Variants in EGFR observed in about 807,000 individuals in gnomAD.
EGFR encodes the protein avian erythroblastic leukemia viral (v-erb-b) oncogene homolog.
Under a neutral mutation model 143.0 loss-of-function variants are expected in EGFR, and 58 were observed. The ratio of observed to expected loss-of-function variants is 0.41; its 90% CI spans 0.33 to 0.50. The LOEUF (loss-of-function observed/expected upper bound fraction) is 0.50, where lower values mean the gene tolerates loss of function less well. EGFR is among the 20% of genes least tolerant of loss of function. EGFR has a pLI of 0.39. For synonymous variants in EGFR, 613 were observed against 594.4 expected, an observed-to-expected ratio of 1.03 and a Z score of -0.45; for missense variants, 1,307 against 1,579.0, an observed-to-expected ratio of 0.83 and a Z score of 2.92.
At chr7:55,087,035 C>A (rs887826) in intron 1 of EGFR, among the ~76,000 whole-genome samples, 134,464 of 151,974 alleles carry the variant, frequency 0.88, 59,657 homozygotes, top group East Asian at 0.97. Flanking sequence ...CCATTATCTA[C>A]TGGTCAGAGT....
chr7:55,091,444 G>A (rs1303531937), intron 1 of EGFR, among the ~76,000 whole-genome samples: 1 of 152,218 alleles, frequency 6.6e-6, no homozygotes, highest in African/African-American at 2.4e-5. Flanking sequence ...ATAGCTGGTG[G>A]CGGGGGCCAC....
intron 19 of EGFR, among the ~76,000 whole-genome samples, chr7:55,179,548 G>C (rs1480645345): frequency 1.3e-5 from 2 of 152,210 alleles, no homozygotes; most frequent in African/African-American, 2.4e-5. Flanking sequence ...GAGAAGGTGG[G>C]CAGGAGGACC....
At chr7:55,169,487 A>G (rs919967921) in intron 15 of EGFR, among the ~76,000 whole-genome samples, 15 of 152,294 alleles carry the variant, frequency 9.8e-5, no homozygotes, top group Admixed American at 8.5e-4. Flanking sequence ...AAACCAAATA[A>G]TATGAAAATT....
intron 18 of EGFR, 138 bp downstream of exon 18, chr7:55,174,181 G>C (rs1786487718): frequency 7.8e-7 from 1 of 1,283,986 alleles, no homozygotes; most frequent in Admixed American, 2.5e-5. Context: ...GGAAACTCCA[G>C]TGTTTTTCCC....
At chr7:55,120,815 A>G (rs1408786896) in intron 1 of EGFR, among the ~76,000 whole-genome samples, 1 of 152,186 alleles carries the variant, frequency 6.6e-6, no homozygotes. Flanking sequence ...TGGTTACAGC[A>G]CCTACAGTTA....
intron 1 of EGFR, among the ~76,000 whole-genome samples, chr7:55,096,736 G>A (rs924757312): frequency 6.6e-6 from 1 of 152,110 alleles, no homozygotes; most frequent in Non-Finnish European, 1.5e-5. Context: ...GCTCCCTCAC[G>A]CTGCAGCAGA....
chr7:55,189,752 T>A (rs573974409), intron 20 of EGFR, among the ~76,000 whole-genome samples: 1 of 152,078 alleles, frequency 6.6e-6, no homozygotes, highest in Middle Eastern at 3.4e-3. Flanking sequence ...GAACAAAAGG[T>A]ACAAATGTGA....
Position 55,160,277 on chromosome 7 carries a change from A to C in EGFR, c.1437A>C (p.Lys479Asn), listed in dbSNP as rs768208443. The change falls in exon 12 of 28, where the codon AAA becomes AAC. Residue 479 changes from lysine to asparagine, a missense_variant. Lys to Asn is a moderately conservative substitution (Grantham distance 94). Coordinates refer to ENST00000275493, the MANE Select transcript of EGFR (RefSeq NM_005228.5). ...LCYANTINWK[K>N]LFGTSGQKTK... ...ATGCAAATACAATAAACTGGAAAAA[A>C]CTGTTTGGGACCTCCGGTCAGAAAA... The C allele has an allele frequency of 6.2e-7, 1 of 1,613,938 alleles. No individual in the cohort carries two copies. Among genetic ancestry groups the C allele is most frequent in the Non-Finnish European group, 8.5e-7 (1 of 1,180,014 alleles).
intron 1 of EGFR, among the ~76,000 whole-genome samples, chr7:55,112,488 G>T (rs755980991): frequency 1.3e-5 from 2 of 152,254 alleles, no homozygotes; most frequent in African/African-American, 2.4e-5. Flanking sequence ...ACATCGCCTA[G>T]ACATGGCCTC....
At chr7:55,093,164 C>T (rs13226762) in intron 1 of EGFR, among the ~76,000 whole-genome samples, 6,187 of 152,264 alleles carry the variant, frequency 0.041, 185 homozygotes, top group South Asian at 0.092. Context: ...CTCAGGGGTC[C>T]GCTGGGTTCC....
rs193142230 is a variant in EGFR at position 55,106,979 on chromosome 7, T to C, written c.89-35307T>C. On this transcript the variant is annotated intron_variant, in intron 1 of 27. Coordinates refer to ENST00000275493, the MANE Select transcript of EGFR (RefSeq NM_005228.5). The stretch of plus-strand genomic sequence containing the variant: ...CATCCTAAATATGTAAGTAGAAACA[T>C]ATATATTGCCAACTTTGTGCCTTCC... 3.5e-4 allele frequency among the ~76,000 whole-genome samples: 53 copies of C among 152,338 alleles called. 1 individual carries two copies. In the South Asian group the frequency reaches 8.3e-3, roughly 24 times the overall value.
At chr7:55,143,282 G>T (rs773909058) in intron 2 of EGFR, 23 bp from the exon 3 acceptor site, 6 of 1,613,502 alleles carry the variant, frequency 3.7e-6, no homozygotes, top group East Asian at 2.2e-5. Flanking sequence ...GAGAAATCAC[G>T]CATTTATGTT....
intron 23 of EGFR, among the ~76,000 whole-genome samples, chr7:55,200,045 G>A (rs778152654): frequency 2.8e-4 from 42 of 152,174 alleles, no homozygotes; most frequent in Non-Finnish European, 5.3e-4. Flanking sequence ...CCCCTCAGGC[G>A]TAACACAGGA....
At chr7:55,077,628 G>C (rs1488883981) in intron 1 of EGFR, among the ~76,000 whole-genome samples, 1 of 152,118 alleles carries the variant, frequency 6.6e-6, no homozygotes, top group African/African-American at 2.4e-5. Flanking sequence ...CTAAGCCAGG[G>C]TAACTCAGGG....
At chr7:55,192,385 T>A (rs1787436892) in intron 21 of EGFR, among the ~76,000 whole-genome samples, 2 of 152,094 alleles carry the variant, frequency 1.3e-5, no homozygotes, top group Non-Finnish European at 2.9e-5. Flanking sequence ...TGTCAGGCCC[T>A]CGAATGCCCT....
At chr7:55,054,166 G>A (rs958519238) in intron 1 of EGFR, among the ~76,000 whole-genome samples, 1 of 152,158 alleles carries the variant, frequency 6.6e-6, no homozygotes, top group Admixed American at 6.5e-5. Flanking sequence ...CTTCTTTCTG[G>A]AAGGTATAAA....
intron 1 of EGFR, among the ~76,000 whole-genome samples, chr7:55,131,199 C>G (rs1274259876): frequency 6.6e-6 from 1 of 152,120 alleles, no homozygotes. Flanking sequence ...CTCCACTGAG[C>G]CCAGTGCCCA....
At chr7:55,062,464 C>T (rs907974101) in intron 1 of EGFR, among the ~76,000 whole-genome samples, 3 of 152,146 alleles carry the variant, frequency 2.0e-5, no homozygotes, top group Admixed American at 6.5e-5. Flanking sequence ...CTAGAAATAG[C>T]TTGCAAAATA....
intron 1 of EGFR, among the ~76,000 whole-genome samples, chr7:55,140,404 G>A (rs1039952287): frequency 2.0e-5 from 3 of 152,102 alleles, no homozygotes; most frequent in African/African-American, 7.2e-5. Context: ...CTACCTGGAC[G>A]ACAGCCAATC....
Sources: gnomAD v4.1 joint callset for allele counts (sites outside exome capture counted in the v4.1 genomes callset) on GRCh38, gnomAD v4.1.1 for gene constraint, MANE v1.5 for transcripts, NCBI Gene and HGNC (gene_info 2026-07-23, HGNC 2026-07-21) for gene names.